The following HEBP2 variants were observed in gnomAD, a reference collection of about 807,000 sequenced individuals.
The protein encoded by HEBP2 is heme binding protein 2.
A neutral mutation model predicts 23.1 loss-of-function variants in HEBP2; 27 were observed. The ratio of observed to expected loss-of-function variants is 1.17; its 90% CI spans 0.86 to 1.61. HEBP2 has a LOEUF of 1.61. Among genes scored for constraint, HEBP2 ranks in the 40% most tolerant of loss-of-function variants. The pLI is 0.00. For missense variants in HEBP2, 245 were observed against 253.8 expected (o/e 0.97, Z 0.24); for synonymous variants, 99 against 95.1 (o/e 1.04, Z -0.24).
At chr6:138,412,159 C>T (rs982251848) in intron 3 of HEBP2, 9 of 402,696 alleles carry the variant, frequency 2.2e-5, no homozygotes, top group Admixed American at 1.8e-4. Flanking sequence ...TGGTGTAGTT[C>T]TCTGATCAGC....
At position 138,415,131 on chromosome 6, in the gene HEBP2, G is replaced by T. The variant is rs1023046218; in HGVS notation, c.*2053G>T. The T allele has an allele frequency of 6.6e-6, 1 of 152,172 alleles. No homozygotes were observed. Among genetic ancestry groups the T allele is most frequent in the Non-Finnish European group, 1.5e-5 (1 of 68,036 alleles). The allele number at this position is 152,172 out of a possible 1,614,324, so 9.4% of individuals were successfully genotyped here. ...TCTCTGCTCTGGAGCTTTTTGGTGG[G>T]CTGCTAGAGACTTTGTTAGATCCTA... On this transcript the variant is annotated 3_prime_UTR_variant, in exon 4 of 4. Transcript: ENST00000607197.
At chr6:138,410,804 A>G (rs574964567) in intron 3 of HEBP2, among the ~76,000 whole-genome samples, 9 of 152,192 alleles carry the variant, frequency 5.9e-5, no homozygotes, top group Admixed American at 5.2e-4. Flanking sequence ...TTCTTAACCC[A>G]TGGTTCAGAA....
Position 138,413,013 on chromosome 6 carries a change from T to G in HEBP2, c.553T>G (p.Leu185Val), listed in dbSNP as rs1478027493. 6.8e-6 allele frequency: 11 copies of G among 1,614,084 alleles called. 1 individual carries two copies. The South Asian group carries it at 9.9e-5, about 14-fold the overall frequency. Residue 185 changes from leucine (L) to valine (V), a missense_variant, in exon 4 of 4, where the codon TTG (leucine) becomes GTG (valine). Physicochemically the swap from Leu to Val is conservative, Grantham distance 32. Transcript: ENST00000607197. ...TGCAGGCTACAACAGTCCTGTCAAA[T>G]TGCTTAATAGAAATAATGAAGTGTG... is the stretch of plus-strand genomic sequence containing the variant. ...YTAGYNSPVKLLNRNNEVWLI... is the reference protein window; with the variant it reads ...YTAGYNSPVKVLNRNNEVWLI...
chr6:138,419,639 G>A lies in HEBP2; in HGVS notation c.*6561G>A. 1 of 152,214 alleles carries A rather than the reference G, an allele frequency of 6.6e-6. No individual in the cohort carries two copies. The highest frequency in any genetic ancestry group is 1.9e-4 in the East Asian group (1 of 5,178). The allele number at this position is 152,214 out of a possible 1,614,324, so 9.4% of individuals were successfully genotyped here. On this transcript the variant is annotated 3_prime_UTR_variant, in exon 4 of 4. Transcript: ENST00000607197. ...GTGGGAGACAATACCCTGCCAAGAT[G>A]TGCCACCGTCTCCTGCACACAGTAT...
rs563343634 is a variant in HEBP2, at chr6:138,419,410, C to T, written c.*6332C>T. On this transcript the variant is annotated 3_prime_UTR_variant, in exon 4 of 4. Transcript: ENST00000607197. ...TCTAGGTATGTGGTTCCTTTCGGGC[C>T]TACAGGGTCCTGAACACAATCTAAG... 6.6e-6 allele frequency: 1 copy of T among 152,290 alleles called. No individual in the cohort carries two copies. The highest frequency in any genetic ancestry group is 1.9e-4 in the East Asian group (1 of 5,176). 9.4% of individuals were successfully genotyped at this position (152,290 alleles called of 1,614,324 possible).
At chr6:138,407,442 C>T (rs1774667857) in intron 3 of HEBP2, among the ~76,000 whole-genome samples, 1 of 152,272 alleles carries the variant, frequency 6.6e-6, no homozygotes, top group Admixed American at 6.5e-5. Context: ...TCTGGGCCCA[C>T]TGGGATGAAG....
intron 3 of HEBP2, among the ~76,000 whole-genome samples, chr6:138,409,477 G>A (rs190379574): frequency 3.3e-5 from 5 of 152,250 alleles, no homozygotes; most frequent in Admixed American, 6.5e-5. Context: ...TCTAGGGACC[G>A]CACTAAGTCA....
At chr6:138,405,003 G>T in intron 1 of HEBP2, 142 bp from the exon 2 acceptor site, 1 of 822,824 alleles carries the variant, frequency 1.2e-6, no homozygotes, top group African/African-American at 1.7e-5. Context: ...TAAGGAGCGG[G>T]GACCTCAGGC....
In HEBP2 at chr6:138,416,474, A is replaced by G. The variant is rs1366320188; in HGVS notation, c.*3396A>G. ...CCTTCAGCAAGGCTGCTGGGAATGC[A>G]CTGATAAGCGGGCTTGGGCATCATA... On this transcript the variant is annotated 3_prime_UTR_variant, in exon 4 of 4. Coordinates refer to ENST00000607197, the MANE Select transcript of HEBP2 (RefSeq NM_014320.3). 3 of 152,376 alleles carry G rather than the reference A, an allele frequency of 2.0e-5. No homozygotes were observed. Among genetic ancestry groups the G allele is most frequent in the Non-Finnish European group, 4.4e-5 (3 of 68,106 alleles). The allele number at this position is 152,376 out of a possible 1,614,324, so 9.4% of individuals were successfully genotyped here.
intron 3 of HEBP2, chr6:138,411,958 A>G (rs1407707532): frequency 5.4e-6 from 2 of 368,196 alleles, no homozygotes; most frequent in East Asian, 1.9e-4. Flanking sequence ...ACAAACAAAC[A>G]AAAAAACCTC....
chr6:138,405,151 A>C lies in HEBP2; in HGVS notation c.109A>C (p.Ser37Arg). The C allele has an allele frequency of 6.2e-7, 1 of 1,610,806 alleles. No homozygotes were observed. The highest frequency in any genetic ancestry group is 1.1e-5 in the South Asian group (1 of 90,300). ...TTTCTCTGTTCCACTTTAGCCCGGAAGTTATGAGATCCGACACTATGGACC... is the reference window on the plus strand; with the variant it reads ...TTTCTCTGTTCCACTTTAGCCCGGACGTTATGAGATCCGACACTATGGACC... ...APEDAGPQPG[S>R]YEIRHYGPAK... The change falls in exon 2 of 4, where the codon AGT becomes CGT. Residue 37 changes from serine (S) to arginine (R), a missense_variant. Ser to Arg is a moderately radical substitution (Grantham distance 110, BLOSUM62 -1). Transcript: ENST00000607197.
chr6:138,404,316 C>A lies in HEBP2; in HGVS notation c.-180C>A, dbSNP rs1025769392. ...GGCCCCGCCTTGGTGGCGGCGCCCC[C>A]TCGCGGTCCAGAGGCAGACGCATCG... On this transcript the variant is annotated 5_prime_UTR_variant, in exon 1 of 4. Coordinates refer to ENST00000607197, the MANE Select transcript of HEBP2 (RefSeq NM_014320.3). 16 of 358,170 alleles carry A rather than the reference C, an allele frequency of 4.5e-5. No individual in the cohort carries two copies. The highest frequency in any genetic ancestry group is 2.6e-4 in the African/African-American group (12 of 46,904). 22.2% of individuals were successfully genotyped at this position (358,170 alleles called of 1,614,324 possible). A position where few individuals can be genotyped will look rare whatever the true frequency, so the allele number is the denominator to read the frequency against.
At position 138,416,281 on chromosome 6, in the gene HEBP2, G is replaced by A. The variant is rs1774840932; in HGVS notation, c.*3203G>A. The A allele has an allele frequency of 6.6e-6, 1 of 152,314 alleles. No homozygotes were observed. The allele number at this position is 152,314 out of a possible 1,614,324, so 9.4% of individuals were successfully genotyped here. A position where few individuals can be genotyped will look rare whatever the true frequency, so the allele number is the denominator to read the frequency against. On this transcript the variant is annotated 3_prime_UTR_variant, in exon 4 of 4. Coordinates refer to ENST00000607197, the MANE Select transcript of HEBP2 (RefSeq NM_014320.3). ...AGACTCACTGCTCTAGGGCAGCTTG[G>A]TAGAAGCCTAGAAAGAGTGATCAAA...
At chr6:138,408,585 A>G (rs1188026157) in intron 3 of HEBP2, among the ~76,000 whole-genome samples, 2 of 152,046 alleles carry the variant, frequency 1.3e-5, no homozygotes, top group African/African-American at 4.8e-5. Flanking sequence ...GTGCCTCTGT[A>G]TCTGCCACGT....
intron 3 of HEBP2, chr6:138,411,973 T>A: frequency 2.5e-6 from 1 of 392,284 alleles, no homozygotes; most frequent in South Asian, 1.9e-5. Context: ...AACCTCAGGA[T>A]GTATAGAGAG....
At chr6:138,405,916 A>C in intron 2 of HEBP2, 55 bp from the exon 3 acceptor site, 1 of 1,396,158 alleles carries the variant, frequency 7.2e-7, no homozygotes, top group South Asian at 1.3e-5. Context: ...AGAATAGGTT[A>C]AATGTTTAAA....
chr6:138,412,073 T>C, intron 3 of HEBP2: 1 of 449,716 alleles, frequency 2.2e-6, no homozygotes, highest in South Asian at 1.6e-5. Context: ...GTGTTTATTC[T>C]TTTCCTTAGG....
rs1774819752 is a variant in HEBP2 at position 138,415,063 on chromosome 6, G to A, written c.*1985G>A. The A allele has an allele frequency of 6.6e-6, 1 of 151,844 alleles. No individual in the cohort carries two copies. The highest frequency in any genetic ancestry group is 2.1e-4 in the South Asian group (1 of 4,794). 9.4% of individuals were successfully genotyped at this position (151,844 alleles called of 1,614,324 possible). On this transcript the variant is annotated 3_prime_UTR_variant, in exon 4 of 4. Coordinates refer to ENST00000607197, the MANE Select transcript of HEBP2 (RefSeq NM_014320.3). ...TCCTGTCTCAGAAAGAAAAAAAAAA[G>A]TCCTAGTCATTTCTACCAACTCGAA...
intron 3 of HEBP2, among the ~76,000 whole-genome samples, chr6:138,408,026 C>T (rs1350589571): frequency 6.6e-6 from 1 of 152,206 alleles, no homozygotes; most frequent in Non-Finnish European, 1.5e-5. Context: ...TGAAACTTGG[C>T]ATGTGATGGG....
Sources: gnomAD v4.1 joint callset for allele counts (sites outside exome capture counted in the v4.1 genomes callset) on GRCh38, gnomAD v4.1.1 for gene constraint, MANE v1.5 for transcripts, NCBI Gene and HGNC (gene_info 2026-07-23, HGNC 2026-07-21) for gene names.